Variants in TTC39C observed in about 807,000 individuals in gnomAD.
TTC39C encodes the protein tetratricopeptide repeat domain 39C.
Under a neutral mutation model 76.3 loss-of-function variants are expected in TTC39C, and 33 were observed. That is an observed-to-expected ratio of 0.43 (90% CI 0.33 to 0.58). The LOEUF (loss-of-function observed/expected upper bound fraction) is 0.58, where lower values mean the gene tolerates loss of function less well. TTC39C is among the 20% of genes least tolerant of loss of function. The pLI is 0.04. For synonymous variants in TTC39C, 254 were observed against 260.6 expected (o/e 0.97, Z 0.24); for missense variants, 595 against 701.4 (o/e 0.85, Z 1.71).
chr18:24,130,265 G>T, intron 11 of TTC39C, 48 bp from the exon 12 acceptor site: 2 of 1,024,306 alleles, frequency 2.0e-6, no homozygotes, highest in Non-Finnish European at 2.9e-6. Context: ...TAAGCCTTAT[G>T]CTAAGTAGGA....
chr18:24,045,138 A>G (rs2083848768), intron 1 of TTC39C, among the ~76,000 whole-genome samples: 2 of 152,056 alleles, frequency 1.3e-5, no homozygotes, highest in South Asian at 2.1e-4. Flanking sequence ...ACACGGTGGC[A>G]CACGCCTGTA....
At chr18:24,078,473 A>G (rs1483797781) in intron 4 of TTC39C, among the ~76,000 whole-genome samples, 1 of 151,900 alleles carries the variant, frequency 6.6e-6, no homozygotes, top group African/African-American at 2.4e-5. Context: ...TTTATTGTGG[A>G]TATTTGGAGG....
chr18:24,068,665 A>G (rs907633518), intron 3 of TTC39C, among the ~76,000 whole-genome samples: 9 of 152,284 alleles, frequency 5.9e-5, no homozygotes, highest in African/African-American at 2.2e-4. Flanking sequence ...ATTCCAGAAT[A>G]TTTTCTCCTT....
intron 1 of TTC39C, among the ~76,000 whole-genome samples, chr18:24,048,694 T>C (rs1342338798): frequency 1.3e-5 from 2 of 152,218 alleles, no homozygotes; most frequent in African/African-American, 4.8e-5. Flanking sequence ...ACTCTGCTCC[T>C]GTTCATTAAA....
Position 24,070,097 on chromosome 18 carries a change from G to A in TTC39C, c.460+826G>A, listed in dbSNP as rs536532985. ...TTTTCTTTCTAGCCTATCAGAAGCC[G>A]GTTTTTCCCCCTTTTTCTTGTTTCT... On this transcript the variant is annotated intron_variant, in intron 4 of 13. Coordinates refer to ENST00000317571, the MANE Select transcript of TTC39C (RefSeq NM_001135993.2). 4.6e-5 allele frequency among the ~76,000 whole-genome samples: 7 copies of A among 152,118 alleles called. No individual in the cohort carries two copies. In the East Asian group the frequency reaches 9.7e-4, roughly 21 times the overall value.
In TTC39C at chr18:24,133,677, A is replaced by G. The variant is rs1389027144; in HGVS notation, c.*1103A>G. 6.6e-6 allele frequency: 1 copy of G among 152,070 alleles called. No homozygotes were observed. The highest frequency in any genetic ancestry group is 2.4e-5 in the African/African-American group (1 of 41,408). 9.4% of individuals were successfully genotyped at this position (152,070 alleles called of 1,614,324 possible). On this transcript the variant is annotated 3_prime_UTR_variant, in exon 14 of 14. Coordinates refer to ENST00000317571, the MANE Select transcript of TTC39C (RefSeq NM_001135993.2). Reference sequence around the variant, plus strand: ...GATATTATACAAGGAATTCAAAGTTATTTTTTTATTCTTCATTGCTAATTT... The same window carrying G: ...GATATTATACAAGGAATTCAAAGTTGTTTTTTTATTCTTCATTGCTAATTT...
chr18:24,033,145 C>T (rs943495213), intron 1 of TTC39C, among the ~76,000 whole-genome samples: 9 of 152,222 alleles, frequency 5.9e-5, no homozygotes, highest in Non-Finnish European at 8.8e-5. Context: ...CCCAGCTACT[C>T]GAGAGGCTGA....
chr18:24,065,975 T>G, intron 2 of TTC39C, 37 bp from the exon 3 acceptor site: 1 of 1,511,042 alleles, frequency 6.6e-7, no homozygotes, highest in Non-Finnish European at 8.8e-7. Context: ...TTTCAGATAC[T>G]AATTCATTCA....
chr18:24,044,386 G>A (rs978639495), intron 1 of TTC39C, among the ~76,000 whole-genome samples: 3 of 152,180 alleles, frequency 2.0e-5, no homozygotes, highest in Non-Finnish European at 4.4e-5. Flanking sequence ...GGGGCTCAGA[G>A]CCTGGCAGTT....
chr18:24,069,043 C>A, intron 3 of TTC39C, 114 bp from the exon 4 acceptor site: 1 of 840,318 alleles, frequency 1.2e-6, no homozygotes, highest in South Asian at 1.9e-5. Flanking sequence ...GCTTTGAGTG[C>A]CAGGTTTCAC....
intron 6 of TTC39C, among the ~76,000 whole-genome samples, chr18:24,084,757 G>A (rs1489836882): frequency 6.6e-6 from 1 of 152,090 alleles, no homozygotes; most frequent in Non-Finnish European, 1.5e-5. Context: ...AACCTTCCAG[G>A]CTCAAGCGAT....
chr18:24,109,110 A>G (rs1270682175), intron 6 of TTC39C, among the ~76,000 whole-genome samples: 2 of 147,050 alleles, frequency 1.4e-5, no homozygotes, highest in African/African-American at 2.6e-5. Context: ...AGGCCAACAC[A>G]GGAGGACTGC....
intron 6 of TTC39C, among the ~76,000 whole-genome samples, chr18:24,086,770 T>C (rs1013976060): frequency 6.6e-6 from 1 of 152,214 alleles, no homozygotes; most frequent in African/African-American, 2.4e-5. Flanking sequence ...ACTCCTCCCA[T>C]GTGACTTACT....
intron 4 of TTC39C, 137 bp from the exon 5 acceptor site, chr18:24,080,448 G>T (rs2084362385): frequency 1.5e-6 from 1 of 649,060 alleles, no homozygotes; most frequent in Non-Finnish European, 2.6e-6. Context: ...AGAACACTGG[G>T]TACAACAATA....
chr18:24,023,950 G>GTATATA (rs1157099825), intron 1 of TTC39C, among the ~76,000 whole-genome samples: 3 of 16,902 alleles, frequency 1.8e-4, no homozygotes, highest in African/African-American at 3.1e-4. Context: ...ATATATGCAT[G>GTATATA]TATATATATA....
At chr18:24,058,335 T>C (rs1481756255) in intron 1 of TTC39C, among the ~76,000 whole-genome samples, 2 of 152,140 alleles carry the variant, frequency 1.3e-5, no homozygotes, top group Non-Finnish European at 2.9e-5. Context: ...ATGACAACTA[T>C]ATGTGCATAA....
chr18:24,008,747 C>T (rs2083373032), intron 1 of TTC39C, among the ~76,000 whole-genome samples: 1 of 152,180 alleles, frequency 6.6e-6, no homozygotes, highest in Admixed American at 6.5e-5. Flanking sequence ...TTCGTAAAGA[C>T]ACATAATTCA....
intron 6 of TTC39C, among the ~76,000 whole-genome samples, chr18:24,109,176 C>CAAAAAAAAAAAAAAAAAAAAA (rs35872928): frequency 7.6e-4 from 56 of 73,870 alleles, no homozygotes; most frequent in African/African-American, 1.4e-3. Context: ...CCCGTCTCTA[C>CAAAAAAAAAAAAAAAAAAAAA]AAAAAAAAAA....
chr18:24,111,916 TATATA>T (rs375557983), intron 6 of TTC39C, among the ~76,000 whole-genome samples: 67 of 108,176 alleles, frequency 6.2e-4, no homozygotes, highest in Non-Finnish European at 7.9e-4. Flanking sequence ...AATATATATA[TATATA>T]TATTTTTTTT....
Sources: allele counts gnomAD v4.1 joint callset (sites outside exome capture counted in the v4.1 genomes callset), GRCh38; gene constraint gnomAD v4.1.1; transcripts MANE v1.5; gene names NCBI Gene and HGNC (gene_info 2026-07-23, HGNC 2026-07-21).